The following ACSS3 variants were observed in gnomAD, a reference collection of about 807,000 sequenced individuals.
ACSS3 encodes acyl-CoA synthetase short chain family member 3.
Under a neutral mutation model 84.2 loss-of-function variants are expected in ACSS3, and 64 were observed. That is an observed-to-expected ratio of 0.76 (90% CI 0.62 to 0.94). ACSS3 has a LOEUF of 0.94. Ranked by LOEUF, ACSS3 falls within the 40% of genes least tolerant of loss-of-function variation. ACSS3 has a pLI of 0.00. For synonymous variants in ACSS3, 317 were observed against 310.1 expected (o/e 1.02, Z -0.23); for missense variants, 815 against 867.6 (o/e 0.94, Z 0.76).
chr12:81,087,249 C>G (rs1293623010), intron 1 of ACSS3, among the ~76,000 whole-genome samples: 2 of 152,026 alleles, frequency 1.3e-5, no homozygotes, highest in Non-Finnish European at 2.9e-5. Flanking sequence ...TGACTTATGA[C>G]CTGACTCTGG....
chr12:81,081,621 A>T (rs1251990616), intron 1 of ACSS3, among the ~76,000 whole-genome samples: 1 of 152,138 alleles, frequency 6.6e-6, no homozygotes, highest in South Asian at 2.1e-4. Flanking sequence ...TCACTTTTCT[A>T]TTATATATTG....
At chr12:81,200,264 T>G (rs2032039938) in intron 9 of ACSS3, among the ~76,000 whole-genome samples, 1 of 152,190 alleles carries the variant, frequency 6.6e-6, no homozygotes, top group African/African-American at 2.4e-5. Flanking sequence ...AAAATTTGAC[T>G]CACTGAAAGC....
At chr12:81,102,417 C>T (rs908663680) in intron 1 of ACSS3, among the ~76,000 whole-genome samples, 1 of 152,084 alleles carries the variant, frequency 6.6e-6, no homozygotes, top group Non-Finnish European at 1.5e-5. Context: ...GATGTCTGTG[C>T]ATGTGCATGG....
intron 13 of ACSS3, among the ~76,000 whole-genome samples, chr12:81,246,384 T>C (rs905804340): frequency 6.6e-5 from 10 of 152,304 alleles, no homozygotes; most frequent in Middle Eastern, 3.4e-3. Context: ...CCTGGGCCTC[T>C]GACCAGACAC....
At chr12:81,190,793 T>C (rs991288026) in intron 8 of ACSS3, among the ~76,000 whole-genome samples, 2 of 152,046 alleles carry the variant, frequency 1.3e-5, no homozygotes, top group African/African-American at 4.8e-5. Flanking sequence ...GTTTCTATTT[T>C]TGGTGTTTGG....
At chr12:81,213,595 C>CCCTCTCCTCT (rs2032696556) in intron 9 of ACSS3, among the ~76,000 whole-genome samples, 1 of 10,204 alleles carries the variant, frequency 9.8e-5, no homozygotes, top group African/African-American at 3.1e-4. Flanking sequence ...CCCTCCCCTC[C>CCCTCTCCTCT]CCTCCCCTCC....
chr12:81,166,477 G>A (rs535866358), intron 7 of ACSS3, among the ~76,000 whole-genome samples: 6 of 152,258 alleles, frequency 3.9e-5, no homozygotes, highest in African/African-American at 1.2e-4. Flanking sequence ...CAGAAACTTA[G>A]GAAATTCTTG....
chr12:81,211,499 C>CA (rs766888090), intron 9 of ACSS3, among the ~76,000 whole-genome samples: 8 of 152,216 alleles, frequency 5.3e-5, no homozygotes, highest in Admixed American at 1.3e-4. Flanking sequence ...ACCATCTACC[C>CA]ACACAGTCTG....
intron 13 of ACSS3, among the ~76,000 whole-genome samples, chr12:81,248,148 A>AT (rs2034042103): frequency 1.3e-5 from 2 of 151,918 alleles, no homozygotes; most frequent in South Asian, 4.1e-4. Flanking sequence ...TAGCATGGAG[A>AT]TTTTTCGAAA....
rs554275884 is a variant in ACSS3 at position 81,174,059 on chromosome 12, A to G, written c.1099-729A>G. Among the ~76,000 whole-genome samples the G allele has an allele frequency of 5.3e-5, 8 of 152,288 alleles. No homozygotes were observed. In the South Asian group the frequency reaches 1.7e-3, roughly 32 times the overall value. ...TGGAAGAAGGGGATGTGGCTTGGCC[A>G]AGATAGGTTTTATGGGTTAGTTAGA... On this transcript the variant is annotated intron_variant, in intron 7 of 15. Transcript: ENST00000548058.
rs150174108 is a variant in ACSS3 at position 81,188,559 on chromosome 12, T to A, written c.1251-10782T>A. On this transcript the variant is annotated intron_variant, in intron 8 of 15. Transcript: ENST00000548058. ...CCCAAAAATATGCCTTATCCTGACC[T>A]GTATCACTGTATATTAGTTTTGCTT... Among the ~76,000 whole-genome samples, 1,036 of 152,232 alleles carry A rather than the reference T, an allele frequency of 6.8e-3. 7 individuals carry two copies. The highest frequency in any genetic ancestry group is 0.02 in the Middle Eastern group (6 of 294).
At chr12:81,209,782 C>A (rs2032512565) in intron 9 of ACSS3, among the ~76,000 whole-genome samples, 1 of 152,060 alleles carries the variant, frequency 6.6e-6, no homozygotes, top group African/African-American at 2.4e-5. Flanking sequence ...TATGAGTTTT[C>A]CAGAAAAGGG....
intron 8 of ACSS3, among the ~76,000 whole-genome samples, chr12:81,177,253 A>G (rs1229189514): frequency 6.6e-6 from 1 of 152,234 alleles, no homozygotes; most frequent in Non-Finnish European, 1.5e-5. Flanking sequence ...AACCACAACA[A>G]AACAAGGATG....
In ACSS3 at chr12:81,259,746, G is replaced by A. The variant is rs528664930; in HGVS notation, c.*4824G>A. 78 of 1,183,314 alleles carry A rather than the reference G, an allele frequency of 6.6e-5. No individual in the cohort carries two copies. The highest frequency in any genetic ancestry group is 8.5e-5 in the Non-Finnish European group (71 of 834,222). 73.3% of individuals were successfully genotyped at this position (1,183,314 alleles called of 1,614,324 possible). A position where few individuals can be genotyped will look rare whatever the true frequency, so the allele number is the denominator to read the frequency against. On this transcript the variant is annotated 3_prime_UTR_variant, in exon 16 of 16. Transcript: ENST00000548058. ...CTACTCCTCTGTGGTGTACCTCCAC[G>A]CAGCCTGCTTACTCCTGTCCTAGAA...
intron 1 of ACSS3, among the ~76,000 whole-genome samples, 174 bp from the exon 2 acceptor site, chr12:81,109,386 T>C (rs1196319415): frequency 1.3e-5 from 2 of 152,190 alleles, no homozygotes; most frequent in Non-Finnish European, 2.9e-5. Context: ...AATAAAAAAG[T>C]ATACTGTGTA....
At chr12:81,217,057 G>A in intron 10 of ACSS3, 61 bp downstream of exon 10, 3 of 1,352,454 alleles carry the variant, frequency 2.2e-6, no homozygotes, top group Admixed American at 1.8e-5. Flanking sequence ...TGCATCTAGT[G>A]TGTATTATGT....
At chr12:81,092,724 C>G (rs5024457) in intron 1 of ACSS3, among the ~76,000 whole-genome samples, 141,306 of 152,232 alleles carry the variant, frequency 0.93, 66,296 homozygotes, top group Non-Finnish European at 1. Flanking sequence ...ATGAGATCTT[C>G]GATAATTGAG....
chr12:81,170,125 TA>T, intron 7 of ACSS3, among the ~76,000 whole-genome samples: 1 of 152,290 alleles, frequency 6.6e-6, no homozygotes, highest in East Asian at 1.9e-4. Context: ...GGATTAATAA[TA>T]AAGCAAATTT....
rs1882777264 is a variant in ACSS3 at position 81,104,252 on chromosome 12, A to G, written c.312-5308A>G. ...ACACTGGGTTCTTAAGAAGCTAGCA[A>G]CCGAGAAGCACCAATAGGCACAGAT... On this transcript the variant is annotated intron_variant, in intron 1 of 15. Coordinates refer to ENST00000548058, the MANE Select transcript of ACSS3 (RefSeq NM_024560.4). Among the ~76,000 whole-genome samples the G allele has an allele frequency of 5.3e-5, 8 of 152,232 alleles. No individual in the cohort carries two copies. In the South Asian group the frequency reaches 1.7e-3, roughly 32 times the overall value.
Sources: allele counts gnomAD v4.1 joint callset (sites outside exome capture counted in the v4.1 genomes callset), GRCh38; gene constraint gnomAD v4.1.1; transcripts MANE v1.5; gene names NCBI Gene and HGNC (gene_info 2026-07-23, HGNC 2026-07-21).